The following GATA4 variants were observed in gnomAD, a reference collection of about 807,000 sequenced individuals.
GATA4 encodes the protein transcription factor GATA-4.
GATA4 carries 7 observed loss-of-function variants against 37.9 expected under a neutral mutation model. The observed-to-expected ratio is 0.18, with a 90% confidence interval of 0.11 to 0.35. The LOEUF is 0.35. GATA4 is among the 10% of genes least tolerant of loss of function. GATA4 has a pLI of 1.00. For missense variants in GATA4, 647 were observed against 653.0 expected (o/e 0.99, Z 0.10); for synonymous variants, 372 against 292.6 (o/e 1.27, Z -2.77).
At chr8:11,685,589 G>A (rs4841582) in intron 1 of GATA4, among the ~76,000 whole-genome samples, 1 of 152,098 alleles carries the variant, frequency 6.6e-6, no homozygotes, top group Non-Finnish European at 1.5e-5. Context: ...AACAGCCCTG[G>A]ACTCCTGATT....
rs1303350111 is a variant in GATA4 at position 11,750,035 on chromosome 8, C to T, written c.787-76C>T. The T allele has an allele frequency of 1.3e-5, 21 of 1,608,422 alleles. No individual in the cohort carries two copies. The Admixed American group carries it at 3.2e-4, about 24-fold the overall frequency. On this transcript the variant is annotated intron_variant, in intron 3 of 6. Transcript: ENST00000532059. ...TGCCTCCCGTTAGGGAGGCCCAGCT[C>T]CGCAGCCACACGCGAGGTGGAAGGG...
In GATA4 at chr8:11,708,895, C is replaced by T; in HGVS notation, c.583C>T (p.Arg195Trp). ...DSPVLHSLPGRANPAARHPNL... is the reference protein window; with the variant it reads ...DSPVLHSLPGWANPAARHPNL... ...CCCGGTCCTGCACAGCCTGCCCGGC[C>T]GGGCCAACCCGGCCGCCCGACACCC... Residue 195 changes from arginine to tryptophan, a missense_variant, in exon 2 of 7, where the codon CGG (arginine) becomes TGG (tryptophan). Arg to Trp is a moderately radical substitution (Grantham distance 101). Transcript: ENST00000532059. The surrounding 1 kb of genome is among the most constrained non-coding windows in gnomAD (Gnocchi z 6.7). 1.3e-6 allele frequency: 2 copies of T among 1,527,800 alleles called. No homozygotes were observed. Among genetic ancestry groups the T allele is most frequent in the Non-Finnish European group, 1.7e-6 (2 of 1,143,780 alleles). The allele number at this position is 1,527,800 out of a possible 1,614,324, so 94.6% of individuals were successfully genotyped here.
At chr8:11,735,460 C>T (rs1191912696) in intron 2 of GATA4, among the ~76,000 whole-genome samples, 1 of 152,214 alleles carries the variant, frequency 6.6e-6, no homozygotes, top group Non-Finnish European at 1.5e-5. Flanking sequence ...TTAATTAATG[C>T]AGTGGAAGAT....
At chr8:11,694,494 T>A in intron 1 of GATA4, 1 of 985,372 alleles carries the variant, frequency 1.0e-6, no homozygotes, top group Non-Finnish European at 1.2e-6. Context: ...TGCATCCTCA[T>A]CACTTCTTTC....
intron 2 of GATA4, among the ~76,000 whole-genome samples, chr8:11,733,420 G>A (rs546100443): frequency 5.3e-5 from 8 of 152,330 alleles, no homozygotes; most frequent in Admixed American, 6.5e-5. Flanking sequence ...ACACTGGCAC[G>A]GAAGCTAAAG....
At chr8:11,692,879 C>A in intron 1 of GATA4, 3 of 981,076 alleles carry the variant, frequency 3.1e-6, no homozygotes, top group Non-Finnish European at 3.6e-6. Flanking sequence ...GAGTTTGCGC[C>A]GCCCGCCGCC....
intron 2 of GATA4, among the ~76,000 whole-genome samples, chr8:11,744,990 T>A (rs1297137778): frequency 1.3e-5 from 2 of 152,218 alleles, no homozygotes; most frequent in African/African-American, 4.8e-5. Context: ...AATAGATCAT[T>A]AGCACTCTGA....
chr8:11,730,967 C>T (rs1310335155), intron 2 of GATA4, among the ~76,000 whole-genome samples: 1 of 152,272 alleles, frequency 6.6e-6, no homozygotes, highest in Non-Finnish European at 1.5e-5. Flanking sequence ...GCCCGCGTGC[C>T]TGGACGGCTC....
At chr8:11,726,563 A>T (rs970628674) in intron 2 of GATA4, among the ~76,000 whole-genome samples, 3 of 152,124 alleles carry the variant, frequency 2.0e-5, no homozygotes, top group African/African-American at 7.2e-5. Flanking sequence ...GCTGGTGCAC[A>T]TGTGGGATAC....
intron 4 of GATA4, among the ~76,000 whole-genome samples, chr8:11,750,633 G>A (rs186449963): frequency 8.5e-5 from 13 of 152,104 alleles, no homozygotes; most frequent in African/African-American, 2.9e-4. Flanking sequence ...AAACATCTTT[G>A]AAATAAACTA....
intron 2 of GATA4, among the ~76,000 whole-genome samples, chr8:11,745,914 A>G (rs1802007549): frequency 6.6e-6 from 1 of 152,206 alleles, no homozygotes; most frequent in Non-Finnish European, 1.5e-5. Flanking sequence ...AAATGATTGG[A>G]AGCTGGATGA....
intron 1 of GATA4, chr8:11,697,571 G>A (rs1365510759): frequency 3.0e-6 from 3 of 985,326 alleles, no homozygotes; most frequent in Non-Finnish European, 3.6e-6. Flanking sequence ...AGGGAAGCCT[G>A]GTCTGTCTGA....
intron 1 of GATA4, among the ~76,000 whole-genome samples, chr8:11,705,356 G>C (rs1055641356): frequency 6.6e-6 from 1 of 152,178 alleles, no homozygotes; most frequent in South Asian, 2.1e-4. Flanking sequence ...GCCGGCTAGC[G>C]TGCGACCGTC....
intron 2 of GATA4, among the ~76,000 whole-genome samples, chr8:11,714,900 G>T (rs945318946): frequency 1.3e-5 from 2 of 152,174 alleles, no homozygotes; most frequent in African/African-American, 4.8e-5. Flanking sequence ...AGTCTTAGGT[G>T]TAGTAGCCAT....
rs1297614525 is a variant in GATA4 at position 11,708,447 on chromosome 8, C to G, written c.135C>G (p.Pro45=). 6.5e-7 allele frequency: 1 copy of G among 1,532,846 alleles called. No homozygotes were observed. The highest frequency in any genetic ancestry group is 1.2e-5 in the South Asian group (1 of 83,934). 95.0% of individuals were successfully genotyped at this position (1,532,846 alleles called of 1,614,324 possible). The change falls in exon 2 of 7, where the codon CCC becomes CCG. Residue 45 remains proline (P), a synonymous_variant. Transcript: ENST00000532059. The surrounding 1 kb of genome is among the most constrained non-coding windows in gnomAD (Gnocchi z 6.7). ...TCTACGTGCCCACACCGCGGGTGCC[C>G]TCCTCCGTGCTGGGCCTGTCCTACC... ...SPVYVPTPRV[P]SSVLGLSYLQ...
intron 4 of GATA4, 113 bp downstream of exon 4, chr8:11,750,349 C>A: frequency 6.9e-7 from 1 of 1,455,208 alleles, no homozygotes; most frequent in Non-Finnish European, 9.4e-7. Flanking sequence ...AACAAAGAGA[C>A]TTAGATTTGG....
At chr8:11,703,798 C>T (rs541153676), upstream of GATA4, among the ~76,000 whole-genome samples, 19 of 152,224 alleles carry the variant, frequency 1.2e-4, no homozygotes, top group Non-Finnish European at 2.6e-4. Flanking sequence ...GACCCAGTGC[C>T]CCACACAAGA....
upstream of GATA4, among the ~76,000 whole-genome samples, chr8:11,687,866 C>T (rs978966305): frequency 4.6e-5 from 7 of 152,172 alleles, no homozygotes; most frequent in African/African-American, 1.4e-4. Context: ...GCCCTGCCCC[C>T]GTTTCATTTG....
chr8:11,705,363 C>T (rs547978940), intron 1 of GATA4, among the ~76,000 whole-genome samples: 7 of 152,320 alleles, frequency 4.6e-5, no homozygotes, highest in East Asian at 3.9e-4. Context: ...AGCGTGCGAC[C>T]GTCCTCCTCG....
Sources: allele counts gnomAD v4.1 joint callset (sites outside exome capture counted in the v4.1 genomes callset), GRCh38; gene constraint gnomAD v4.1.1; non-coding constraint Gnocchi (gnomAD v3.1); transcripts MANE v1.5; gene names NCBI Gene and HGNC (gene_info 2026-07-23, HGNC 2026-07-21).